The following CNTNAP5 variants were observed in gnomAD, a reference collection of about 807,000 sequenced individuals.
The protein encoded by CNTNAP5 is contactin associated protein family member 5.
CNTNAP5 carries 72 observed loss-of-function variants against 150.2 expected under a neutral mutation model. That is an observed-to-expected ratio of 0.48 (90% CI 0.40 to 0.58). CNTNAP5 has a LOEUF of 0.58. Ranked by LOEUF, CNTNAP5 falls within the 20% of genes least tolerant of loss-of-function variation. The probability of loss-of-function intolerance (pLI) is 0.00; values close to 1 mark genes in which losing one functional copy is unlikely to be tolerated. For missense variants in CNTNAP5, 1,636 were observed against 1,626.2 expected, an observed-to-expected ratio of 1.01 and a Z score of -0.10; for synonymous variants, 672 against 619.8, an observed-to-expected ratio of 1.08 and a Z score of -1.25.
chr2:124,112,721 A>G (rs1683328307), intron 1 of CNTNAP5, among the ~76,000 whole-genome samples: 1 of 151,920 alleles, frequency 6.6e-6, no homozygotes. Flanking sequence ...CCTCCTCCCA[A>G]AAAAAACCCC....
chr2:124,706,943 G>GAAGAAGAAGAAGAAGAAGAAGA (rs1558743370), intron 13 of CNTNAP5, among the ~76,000 whole-genome samples: 1 of 75,142 alleles, frequency 1.3e-5, no homozygotes, highest in Non-Finnish European at 2.9e-5. Context: ...GAAGAAGAAG[G>GAAGAAGAAGAAGAAGAAGAAGA]AGGAGGAGGA....
At chr2:124,055,129 C>T (rs1433326442) in intron 1 of CNTNAP5, among the ~76,000 whole-genome samples, 1 of 152,186 alleles carries the variant, frequency 6.6e-6, no homozygotes, top group African/African-American at 2.4e-5. Flanking sequence ...GACAAGAAGC[C>T]AACCAAATGT....
chr2:124,434,000 C>T (rs1167486226), intron 4 of CNTNAP5, among the ~76,000 whole-genome samples: 1 of 152,160 alleles, frequency 6.6e-6, no homozygotes, highest in Non-Finnish European at 1.5e-5. Flanking sequence ...CAGTAGAAGC[C>T]TCAGAATCCT....
intron 6 of CNTNAP5, among the ~76,000 whole-genome samples, chr2:124,473,407 C>G (rs1693564660): frequency 6.6e-6 from 1 of 151,682 alleles, no homozygotes; most frequent in South Asian, 2.1e-4. Flanking sequence ...GATAAAATAT[C>G]AAAAAATTCT....
intron 5 of CNTNAP5, among the ~76,000 whole-genome samples, chr2:124,443,429 T>G (rs2104802989): frequency 6.6e-6 from 1 of 152,078 alleles, no homozygotes; most frequent in African/African-American, 2.4e-5. Context: ...CATTCTATTT[T>G]ACCATCAGTG....
chr2:124,458,853 A>G (rs550821950), intron 6 of CNTNAP5, among the ~76,000 whole-genome samples: 50 of 152,340 alleles, frequency 3.3e-4, no homozygotes, highest in African/African-American at 9.4e-4. Flanking sequence ...TAAAAAAAGA[A>G]ATGCTAATCC....
intron 4 of CNTNAP5, among the ~76,000 whole-genome samples, chr2:124,430,797 C>A (rs766535106): frequency 2.6e-5 from 4 of 152,188 alleles, no homozygotes; most frequent in Admixed American, 6.5e-5. Context: ...TGAAGGCTAC[C>A]GAATCCCAAA....
chr2:124,201,086 A>G (rs780164909), intron 1 of CNTNAP5, among the ~76,000 whole-genome samples: 11 of 152,200 alleles, frequency 7.2e-5, no homozygotes, highest in Non-Finnish European at 1.2e-4. Flanking sequence ...GTTGAAGAGC[A>G]GGGCTTGTAA....
At chr2:124,338,428 C>T (rs545194110) in intron 3 of CNTNAP5, among the ~76,000 whole-genome samples, 18 of 152,152 alleles carry the variant, frequency 1.2e-4, no homozygotes, top group Non-Finnish European at 2.5e-4. Flanking sequence ...TGAGAGAGGG[C>T]ATCCCTGTCT....
At chr2:124,293,647 C>T (rs984011967) in intron 3 of CNTNAP5, among the ~76,000 whole-genome samples, 4 of 151,644 alleles carry the variant, frequency 2.6e-5, no homozygotes, top group Non-Finnish European at 2.9e-5. Flanking sequence ...AGGTATTGGC[C>T]GTGTTCTATG....
intron 7 of CNTNAP5, among the ~76,000 whole-genome samples, chr2:124,489,177 C>T (rs1044484362): frequency 6.6e-6 from 1 of 152,206 alleles, no homozygotes; most frequent in African/African-American, 2.4e-5. Context: ...TATTAAAACT[C>T]CTTCTATCAC....
At chr2:124,628,368 C>T (rs1477360422) in intron 12 of CNTNAP5, among the ~76,000 whole-genome samples, 1 of 152,162 alleles carries the variant, frequency 6.6e-6, no homozygotes, top group African/African-American at 2.4e-5. Flanking sequence ...GTGGACCTCT[C>T]AGTAGAAACT....
chr2:124,686,484 T>C (rs1238093705), intron 13 of CNTNAP5, among the ~76,000 whole-genome samples: 1 of 152,116 alleles, frequency 6.6e-6, no homozygotes, highest in Non-Finnish European at 1.5e-5. Context: ...GGCTCACCTA[T>C]AGAAGAAAAG....
Position 124,919,422 on chromosome 2 carries a change from C to T in CNTNAP5, c.*5134C>T, listed in dbSNP as rs372788714. Among the ~76,000 whole-genome samples the T allele has an allele frequency of 6.6e-6, 1 of 152,082 alleles. No homozygotes were observed. The highest frequency in any genetic ancestry group is 1.5e-5 in the Non-Finnish European group (1 of 68,014). On this transcript the variant is annotated 3_prime_UTR_variant, in exon 24 of 24. Coordinates refer to ENST00000682447, the MANE Select transcript of CNTNAP5 (RefSeq NM_001367498.1). ...TGTCTTATGTAATGTTTATAGTCTA[C>T]AAAATGGCTGAGCAGACATGAACAA...
intron 13 of CNTNAP5, among the ~76,000 whole-genome samples, chr2:124,714,233 A>G (rs74583909): frequency 0.043 from 6,559 of 152,098 alleles, 495 homozygotes; most frequent in African/African-American, 0.15. Flanking sequence ...TTTCACCTCT[A>G]TCTGCTCAAT....
intron 10 of CNTNAP5, among the ~76,000 whole-genome samples, chr2:124,541,976 C>A (rs959810266): frequency 6.6e-6 from 1 of 152,088 alleles, no homozygotes; most frequent in South Asian, 2.1e-4. Flanking sequence ...GTAGATATAC[C>A]TTTCCTGCTT....
In CNTNAP5 at chr2:124,318,977, C is replaced by T. The variant is rs983986538; in HGVS notation, c.381+76584C>T. 4.6e-5 allele frequency among the ~76,000 whole-genome samples: 7 copies of T among 152,260 alleles called. No homozygotes were observed. The East Asian group carries it at 7.8e-4, about 17-fold the overall frequency. ...TAGAACTGGTAACTCCCCTCTTTTG[C>T]GAAATACCCAAACCTCCTGGGATAG... On this transcript the variant is annotated intron_variant, in intron 3 of 23. Coordinates refer to ENST00000682447, the MANE Select transcript of CNTNAP5 (RefSeq NM_001367498.1).
chr2:124,757,334 T>C (rs1680861188), intron 14 of CNTNAP5, among the ~76,000 whole-genome samples: 1 of 152,188 alleles, frequency 6.6e-6, no homozygotes, highest in East Asian at 1.9e-4. Flanking sequence ...GGAGAAAGCC[T>C]GTGTGCACAG....
Position 124,250,997 on chromosome 2 carries a change from C to T in CNTNAP5, c.381+8604C>T, listed in dbSNP as rs1687158952. Among the ~76,000 whole-genome samples the T allele has an allele frequency of 2.6e-5, 4 of 152,150 alleles. No individual in the cohort carries two copies. In the South Asian group the frequency reaches 8.3e-4, roughly 32 times the overall value. On this transcript the variant is annotated intron_variant, in intron 3 of 23. Transcript: ENST00000682447. The stretch of plus-strand genomic sequence containing the variant: ...AATTTTAGTCACTGATTATGTGAGG[C>T]TAATAAAAGTAGAGAGTGCAAACAA...
Sources: allele counts gnomAD v4.1 joint callset (sites outside exome capture counted in the v4.1 genomes callset), GRCh38; gene constraint gnomAD v4.1.1; transcripts MANE v1.5; gene names NCBI Gene and HGNC (gene_info 2026-07-23, HGNC 2026-07-21).